Variants in ACTR3C observed in about 807,000 individuals in gnomAD.
The protein encoded by ACTR3C is actin related protein 3C.
In ACTR3C, 18 loss-of-function variants were observed where a neutral mutation model predicts 26.3. The ratio of observed to expected loss-of-function variants is 0.68; its 90% confidence interval spans 0.47 to 1.01. The LOEUF (loss-of-function observed/expected upper bound fraction) is 1.01, where lower values mean the gene tolerates loss of function less well. Among genes scored for constraint, ACTR3C ranks in the 50% least tolerant of loss-of-function variants. The pLI is 0.00. For missense variants in ACTR3C, 184 were observed against 250.7 expected, an observed-to-expected ratio of 0.73 and a Z score of 1.80; for synonymous variants, 55 against 94.5, an observed-to-expected ratio of 0.58 and a Z score of 2.42.
the ACTR3C span, among the ~76,000 whole-genome samples, chr7:149,993,285 A>G: frequency 6.6e-6 from 1 of 151,768 alleles, no homozygotes; most frequent in African/African-American, 2.4e-5. Flanking sequence ...AACATTCACC[A>G]TCACGGCAAC....
the ACTR3C span, among the ~76,000 whole-genome samples, chr7:150,038,763 A>T: frequency 7.4e-6 from 1 of 134,532 alleles, no homozygotes; most frequent in Non-Finnish European, 1.6e-5. Context: ...CTAAGCCAGG[A>T]GGGGAAGAGG....
At chr7:150,198,519 G>A in the ACTR3C span, among the ~76,000 whole-genome samples, 66 of 144,014 alleles carry the variant, frequency 4.6e-4, 1 homozygote, top group African/African-American at 1.6e-3. Context: ...TGTGAGGAGC[G>A]CCTCTGCCCG....
At chr7:150,065,981 G>C in the ACTR3C span, among the ~76,000 whole-genome samples, 2 of 151,934 alleles carry the variant, frequency 1.3e-5, no homozygotes, top group African/African-American at 4.8e-5. Context: ...ACAGTGCCCA[G>C]ATATCATCAA....
At chr7:150,155,532 A>C in the ACTR3C span, among the ~76,000 whole-genome samples, 2 of 152,152 alleles carry the variant, frequency 1.3e-5, no homozygotes, top group African/African-American at 4.8e-5. Context: ...ACGTTTACAT[A>C]AGTTTTGTGA....
intron 6 of ACTR3C, among the ~76,000 whole-genome samples, chr7:150,276,124 C>T (rs1254729144): frequency 2.0e-5 from 3 of 152,140 alleles, no homozygotes; most frequent in Admixed American, 6.5e-5. Context: ...AAACGCCACA[C>T]GTAACCCATT....
chr7:149,954,482 G>A, the ACTR3C span, among the ~76,000 whole-genome samples: 1 of 152,114 alleles, frequency 6.6e-6, no homozygotes, highest in Non-Finnish European at 1.5e-5. Context: ...ACATGGAACT[G>A]TGTTTATTTA....
the ACTR3C span, among the ~76,000 whole-genome samples, chr7:150,070,577 G>A: frequency 0.73 from 111,137 of 151,692 alleles, 40,786 homozygotes; most frequent in East Asian, 0.77. Flanking sequence ...CAATCTCCTG[G>A]GTAGTTGGAA....
At chr7:150,277,692 C>A (rs145959305) in intron 6 of ACTR3C, among the ~76,000 whole-genome samples, 2,949 of 152,154 alleles carry the variant, frequency 0.019, 87 homozygotes, top group African/African-American at 0.068. Context: ...AACCCTGAAC[C>A]TTTTCCTCCC....
At chr7:150,135,988 C>G in the ACTR3C span, among the ~76,000 whole-genome samples, 6 of 152,132 alleles carry the variant, frequency 3.9e-5, no homozygotes, top group Non-Finnish European at 8.8e-5. Flanking sequence ...CTCACAGACA[C>G]GAAACCCTGT....
the ACTR3C span, among the ~76,000 whole-genome samples, chr7:150,070,093 C>A: frequency 6.6e-6 from 1 of 152,184 alleles, no homozygotes; most frequent in East Asian, 1.9e-4. Context: ...CAGGGCTGTT[C>A]CCAGACCACA....
Position 150,269,419 on chromosome 7 carries a change from C to T in ACTR3C, c.564+15334G>A, listed in dbSNP as rs190746995. ...GCCTGAAGCAAGCAGCAAACCCCCC[C>T]ACCCGTGGGCTCCCACGCCCTCATC... On this transcript the variant is annotated intron_variant, in intron 6 of 7. Coordinates refer to ENST00000683684, the MANE Select transcript of ACTR3C (RefSeq NM_001164458.2). 1.9e-3 allele frequency among the ~76,000 whole-genome samples: 285 copies of T among 149,116 alleles called. 18 individuals are homozygous for T. The highest frequency in any genetic ancestry group is 2.0e-3 in the Non-Finnish European group (133 of 67,642).
At chr7:150,035,209 G>C in the ACTR3C span, among the ~76,000 whole-genome samples, 1 of 123,694 alleles carries the variant, frequency 8.1e-6, no homozygotes, top group South Asian at 2.5e-4. Flanking sequence ...CACGGGGGGT[G>C]CCTCCCACCT....
the ACTR3C span, among the ~76,000 whole-genome samples, chr7:150,127,303 C>T: frequency 6.7e-6 from 1 of 149,190 alleles, no homozygotes; most frequent in Non-Finnish European, 1.5e-5. Context: ...TTTGAGTTAG[C>T]TTACCATAAT....
At chr7:150,069,890 G>T in the ACTR3C span, among the ~76,000 whole-genome samples, 3 of 152,100 alleles carry the variant, frequency 2.0e-5, no homozygotes, top group Non-Finnish European at 4.4e-5. Context: ...AGGGACTTCT[G>T]CGGGGAAGGT....
intron 6 of ACTR3C, among the ~76,000 whole-genome samples, chr7:150,250,243 G>T (rs1272782177): frequency 7.3e-6 from 1 of 136,388 alleles, no homozygotes. Flanking sequence ...TCGCTCTGTC[G>T]CCCAGGCTGG....
the ACTR3C span, among the ~76,000 whole-genome samples, chr7:150,148,362 A>T: frequency 6.6e-6 from 1 of 152,128 alleles, no homozygotes. Flanking sequence ...CTGTAATCCC[A>T]GCTACTTGGG....
the ACTR3C span, among the ~76,000 whole-genome samples, chr7:149,922,969 G>GATTT: frequency 8.7e-5 from 2 of 23,106 alleles, no homozygotes; most frequent in Non-Finnish European, 1.9e-4. Flanking sequence ...GAAATAAAAG[G>GATTT]CTTTTTTTTT....
the ACTR3C span, among the ~76,000 whole-genome samples, chr7:149,922,589 C>T: frequency 2.6e-5 from 4 of 152,010 alleles, no homozygotes; most frequent in Admixed American, 2.6e-4. Flanking sequence ...TCAGTATCCT[C>T]CTGCAAATGG....
the ACTR3C span, among the ~76,000 whole-genome samples, chr7:150,066,544 GC>G: frequency 6.6e-6 from 1 of 152,172 alleles, no homozygotes; most frequent in South Asian, 2.1e-4. Context: ...AACAAATTCA[GC>G]TTGACAACAG....
Sources: gnomAD v4.1 joint callset for allele counts (sites outside exome capture counted in the v4.1 genomes callset) on GRCh38, gnomAD v4.1.1 for gene constraint, MANE v1.5 for transcripts, NCBI Gene and HGNC (gene_info 2026-07-23, HGNC 2026-07-21) for gene names.